The following NIPBL variants were observed in gnomAD, a reference collection of about 807,000 sequenced individuals.
NIPBL encodes the protein NIPBL cohesin loading factor.
Under a neutral mutation model 321.8 loss-of-function variants are expected in NIPBL, and 19 were observed. The ratio of observed to expected loss-of-function variants is 0.06; its 90% CI spans 0.04 to 0.09. The LOEUF (loss-of-function observed/expected upper bound fraction) is 0.09. NIPBL is among the 10% of genes least tolerant of loss of function. NIPBL has a pLI of 1.00. For synonymous variants in NIPBL, 1,106 were observed against 1,114.1 expected, an observed-to-expected ratio of 0.99 and a Z score of 0.14; for missense variants, 2,210 against 3,327.0, an observed-to-expected ratio of 0.66 and a Z score of 8.26.
Position 37,016,044 on chromosome 5 carries a change from T to C in NIPBL, c.4650T>C (p.Gly1550=), listed in dbSNP as rs760960982. The change falls in exon 23 of 47, where the codon GGT becomes GGC. Residue 1550 remains glycine, a synonymous_variant. Transcript: ENST00000282516. ...ATTATTTGCCTTTGAACAGATGTGG[T>C]AGTAAGCAAGGTGAAGAAGATTACA... is the stretch of plus-strand genomic sequence containing the variant. ...NFLSIFLKKC[G]SKQGEEDYRP... 1 of 1,613,964 alleles carries C rather than the reference T, an allele frequency of 6.2e-7. No homozygotes were observed. The highest frequency in any genetic ancestry group is 1.1e-5 in the South Asian group (1 of 91,080).
chr5:37,002,931 A>G (rs1746986997), intron 15 of NIPBL, among the ~76,000 whole-genome samples, 166 bp downstream of exon 15: 1 of 151,994 alleles, frequency 6.6e-6, no homozygotes, highest in African/African-American at 2.4e-5. Flanking sequence ...TTTACAAAAG[A>G]AAAAAGTATT....
intron 10 of NIPBL, among the ~76,000 whole-genome samples, chr5:36,994,241 A>G (rs945192735): frequency 6.6e-6 from 1 of 152,138 alleles, no homozygotes; most frequent in African/African-American, 2.4e-5. Flanking sequence ...ATTCTTAGCA[A>G]TGAAGTCTTT....
At chr5:36,938,221 C>T (rs1384123367) in intron 1 of NIPBL, among the ~76,000 whole-genome samples, 1 of 151,992 alleles carries the variant, frequency 6.6e-6, no homozygotes, top group Non-Finnish European at 1.5e-5. Flanking sequence ...CCCACTGGTT[C>T]CGGGAGAAGG....
At chr5:36,891,589 G>T (rs1208597576) in intron 1 of NIPBL, among the ~76,000 whole-genome samples, 1 of 152,154 alleles carries the variant, frequency 6.6e-6, no homozygotes. Flanking sequence ...TTAGAACATA[G>T]GCTGGAAAAG....
At chr5:36,940,034 A>T (rs1220098593) in intron 1 of NIPBL, among the ~76,000 whole-genome samples, 1 of 152,194 alleles carries the variant, frequency 6.6e-6, no homozygotes, top group Non-Finnish European at 1.5e-5. Flanking sequence ...TTTCATAAAT[A>T]CCCAAGAATG....
chr5:36,933,383 G>A (rs185545272), intron 1 of NIPBL, among the ~76,000 whole-genome samples: 1 of 151,956 alleles, frequency 6.6e-6, no homozygotes, highest in East Asian at 1.9e-4. Context: ...AAAAGGGTCT[G>A]TGGAAATAAT....
intron 33 of NIPBL, among the ~76,000 whole-genome samples, chr5:37,037,042 A>G (rs974691885): frequency 3.3e-5 from 5 of 151,982 alleles, no homozygotes; most frequent in South Asian, 2.1e-4. Context: ...TTATTTACCA[A>G]TCACAAATCT....
At chr5:36,990,543 T>C (rs1745381981) in intron 10 of NIPBL, among the ~76,000 whole-genome samples, 1 of 152,208 alleles carries the variant, frequency 6.6e-6, no homozygotes, top group Non-Finnish European at 1.5e-5. Context: ...AAAATACCTT[T>C]CTTAAAAACT....
At chr5:37,038,501 A>T in intron 33 of NIPBL, 101 bp from the exon 34 acceptor site, 1 of 995,298 alleles carries the variant, frequency 1.0e-6, no homozygotes, top group Non-Finnish European at 1.5e-6. Flanking sequence ...CCTATACTGG[A>T]CCTATTTAGG....
At chr5:36,907,432 A>G (rs1316871539) in intron 1 of NIPBL, among the ~76,000 whole-genome samples, 2 of 152,216 alleles carry the variant, frequency 1.3e-5, no homozygotes, top group East Asian at 3.8e-4. Context: ...AGTTACGTAG[A>G]TACCAGAAAT....
chr5:37,061,654 G>A (rs916288505), intron 45 of NIPBL, among the ~76,000 whole-genome samples: 1 of 152,124 alleles, frequency 6.6e-6, no homozygotes, highest in African/African-American at 2.4e-5. Flanking sequence ...ACCCCATACT[G>A]GGTGACAGGA....
intron 10 of NIPBL, among the ~76,000 whole-genome samples, chr5:36,993,745 T>A (rs1237783510): frequency 6.6e-6 from 1 of 152,032 alleles, no homozygotes; most frequent in Non-Finnish European, 1.5e-5. Flanking sequence ...AAGATTATAA[T>A]GTTTCCAATA....
chr5:36,926,568 G>A (rs1285467835), intron 1 of NIPBL, among the ~76,000 whole-genome samples: 2 of 152,168 alleles, frequency 1.3e-5, no homozygotes, highest in Admixed American at 6.5e-5. Context: ...TTGTCAACAT[G>A]CTTATTTGAA....
At chr5:37,057,845 T>A (rs1243933408) in intron 43 of NIPBL, among the ~76,000 whole-genome samples, 1 of 152,210 alleles carries the variant, frequency 6.6e-6, no homozygotes, top group African/African-American at 2.4e-5. Context: ...CTGTCATGAC[T>A]TTTAGGAGGA....
At chr5:37,056,938 T>G (rs1309315833) in intron 42 of NIPBL, among the ~76,000 whole-genome samples, 1 of 152,042 alleles carries the variant, frequency 6.6e-6, no homozygotes, top group Non-Finnish European at 1.5e-5. Flanking sequence ...TAAAATTCCA[T>G]TTCTGTTCCC....
At chr5:36,961,223 G>T (rs1014531105) in intron 4 of NIPBL, among the ~76,000 whole-genome samples, 11 of 152,078 alleles carry the variant, frequency 7.2e-5, no homozygotes, top group African/African-American at 2.7e-4. Context: ...CTAAATAATA[G>T]AATATTGAGT....
rs746472461 is a variant in NIPBL at position 36,955,611 on chromosome 5, C to T, written c.204C>T (p.Ser68=). 1.1e-5 allele frequency: 17 copies of T among 1,613,918 alleles called. No homozygotes were observed. The highest frequency in any genetic ancestry group is 1.4e-5 in the Non-Finnish European group (16 of 1,179,908). The change falls in exon 3 of 47, where the codon AGC becomes AGT. Residue 68 remains serine (S), a synonymous_variant. Transcript: ENST00000282516. ...DDNLVSQLVH[S]LNQVSTDHIE... is the part of the protein sequence containing the mutation. ...ATTTGGTTTCACAGCTTGTCCATAG[C>T]CTCAACCAGGTATCAACAGATCACA...
chr5:37,038,019 T>C (rs1751910401), intron 33 of NIPBL, among the ~76,000 whole-genome samples: 1 of 138,606 alleles, frequency 7.2e-6, no homozygotes, highest in Non-Finnish European at 1.5e-5. Context: ...AGACAGGGTC[T>C]CACTCTGTCA....
chr5:36,995,117 G>C (rs1745989062), intron 10 of NIPBL: 1 of 155,870 alleles, frequency 6.4e-6, no homozygotes, highest in Non-Finnish European at 1.4e-5. Flanking sequence ...TCTTGTCTCA[G>C]CCACCATACA....
Sources: gnomAD v4.1 joint callset for allele counts (sites outside exome capture counted in the v4.1 genomes callset) on GRCh38, gnomAD v4.1.1 for gene constraint, MANE v1.5 for transcripts, NCBI Gene and HGNC (gene_info 2026-07-23, HGNC 2026-07-21) for gene names.